WDR7: variants seen among roughly 807,000 people sequenced by gnomAD.
WDR7 encodes WD repeat domain 7, also known as WD repeat-containing protein 7.
In WDR7, 46 loss-of-function variants were observed where a neutral mutation model predicts 169.4. That is an observed-to-expected ratio of 0.27 (90% CI 0.21 to 0.35). The LOEUF (loss-of-function observed/expected upper bound fraction) is 0.35. Ranked by LOEUF, WDR7 falls within the 10% of genes least tolerant of loss-of-function variation. WDR7 has a pLI of 1.00. For synonymous variants in WDR7, 612 were observed against 666.8 expected (o/e 0.92, Z 1.27); for missense variants, 1,534 against 1,859.3 (o/e 0.83, Z 3.22).
chr18:56,821,729 T>A (rs2145239841), intron 20 of WDR7, among the ~76,000 whole-genome samples: 1 of 151,074 alleles, frequency 6.6e-6, no homozygotes, highest in African/African-American at 2.4e-5. Context: ...GAATAGTGGC[T>A]CACACCCATA....
chr18:56,945,171 A>G (rs1307190359), intron 25 of WDR7, among the ~76,000 whole-genome samples: 1 of 152,194 alleles, frequency 6.6e-6, no homozygotes, highest in African/African-American at 2.4e-5. Context: ...AGGCAAAGGA[A>G]GAATAGGAGT....
In WDR7 at chr18:56,881,382, A is replaced by G. The variant is rs11662409; in HGVS notation, c.3526+1217A>G. On this transcript the variant is annotated intron_variant, in intron 21 of 27. Transcript: ENST00000254442. ...CACTTCATCCTCATAATAACCCTGT[A>G]AAGTGGATCCCTCTTATCTCGATTT... Among the ~76,000 whole-genome samples the G allele has an allele frequency of 4.5e-3, 684 of 152,212 alleles. 2 individuals are homozygous for G. The highest frequency in any genetic ancestry group is 7.1e-3 in the Non-Finnish European group (482 of 68,008).
intron 3 of WDR7, among the ~76,000 whole-genome samples, chr18:56,680,144 C>G (rs2025324828): frequency 6.6e-6 from 1 of 152,040 alleles, no homozygotes; most frequent in East Asian, 1.9e-4. Context: ...ATCACGTGAG[C>G]ACAGGAGTTT....
chr18:56,952,604 T>C (rs1173764486), intron 25 of WDR7, among the ~76,000 whole-genome samples: 2 of 152,216 alleles, frequency 1.3e-5, no homozygotes, highest in Non-Finnish European at 2.9e-5. Flanking sequence ...TCACATGTTT[T>C]AAGAAAAACA....
At chr18:56,839,667 G>A (rs1420266815) in intron 20 of WDR7, among the ~76,000 whole-genome samples, 1 of 152,140 alleles carries the variant, frequency 6.6e-6, no homozygotes, top group African/African-American at 2.4e-5. Context: ...ACTTATTTTT[G>A]AAGTCGATAG....
chr18:56,795,950 A>G (rs1332641492), intron 19 of WDR7, among the ~76,000 whole-genome samples: 1 of 152,210 alleles, frequency 6.6e-6, no homozygotes, highest in African/African-American at 2.4e-5. Context: ...CTCCAACATA[A>G]TGTTAAATAG....
chr18:57,020,606 A>G, intron 26 of WDR7, 139 bp from the exon 27 acceptor site: 2 of 776,310 alleles, frequency 2.6e-6, no homozygotes, highest in Non-Finnish European at 2.1e-6. Context: ...TTATTTTTCT[A>G]AGCTGATTTT....
intron 11 of WDR7, 45 bp downstream of exon 11, chr18:56,695,243 T>G (rs1285259655): frequency 6.3e-7 from 1 of 1,577,922 alleles, no homozygotes; most frequent in Non-Finnish European, 8.6e-7. Context: ...TGACAACTCT[T>G]ACCCAGAGAG....
intron 1 of WDR7, among the ~76,000 whole-genome samples, chr18:56,671,566 C>T (rs944217307): frequency 4.6e-5 from 7 of 152,156 alleles, no homozygotes; most frequent in Non-Finnish European, 8.8e-5. Context: ...CCACTGCGCC[C>T]GGCCCTGAAC....
At chr18:56,926,706 A>C (rs2046813784) in intron 22 of WDR7, among the ~76,000 whole-genome samples, 1 of 152,248 alleles carries the variant, frequency 6.6e-6, no homozygotes, top group African/African-American at 2.4e-5. Flanking sequence ...CACAGCTCTG[A>C]ATAAATGAAT....
chr18:56,710,144 T>C (rs2026055063), intron 12 of WDR7, among the ~76,000 whole-genome samples: 1 of 151,522 alleles, frequency 6.6e-6, no homozygotes, highest in African/African-American at 2.4e-5. Context: ...GCTGGGACTA[T>C]AGGCGCCTGC....
At chr18:56,784,962 A>C (rs1255871839) in intron 19 of WDR7, among the ~76,000 whole-genome samples, 1 of 151,958 alleles carries the variant, frequency 6.6e-6, no homozygotes, top group Non-Finnish European at 1.5e-5. Flanking sequence ...CATGTAACTG[A>C]AACATGCACT....
chr18:56,770,147 C>T (rs2044130820), intron 16 of WDR7, among the ~76,000 whole-genome samples: 1 of 152,180 alleles, frequency 6.6e-6, no homozygotes, highest in African/African-American at 2.4e-5. Flanking sequence ...GCTGTAAGGG[C>T]TGACAAATCT....
At chr18:56,831,714 C>T (rs1449613889) in intron 20 of WDR7, among the ~76,000 whole-genome samples, 1 of 152,106 alleles carries the variant, frequency 6.6e-6, no homozygotes, top group Admixed American at 6.5e-5. Flanking sequence ...GGCGTCGTCT[C>T]ACCCAGGAAA....
chr18:56,773,444 A>G lies in WDR7; in HGVS notation c.2849-3338A>G, dbSNP rs146879524. On this transcript the variant is annotated intron_variant, in intron 16 of 27. Transcript: ENST00000254442. ...TATAGCTTTTTGTAATCTTTTTGGCATTAGGAAATATCGAATGGGAATTTT... is the reference window on the plus strand; with the variant it reads ...TATAGCTTTTTGTAATCTTTTTGGCGTTAGGAAATATCGAATGGGAATTTT... 5.8e-4 allele frequency among the ~76,000 whole-genome samples: 88 copies of G among 152,174 alleles called. No homozygotes were observed. In the East Asian group the frequency reaches 0.015, roughly 26 times the overall value.
At chr18:56,721,091 A>G (rs2026310672) in intron 13 of WDR7, among the ~76,000 whole-genome samples, 1 of 152,090 alleles carries the variant, frequency 6.6e-6, no homozygotes, top group Non-Finnish European at 1.5e-5. Flanking sequence ...AGATTCAGCC[A>G]GGGTTTGATG....
intron 27 of WDR7, among the ~76,000 whole-genome samples, chr18:57,022,377 G>A (rs2048305167): frequency 6.6e-6 from 1 of 152,180 alleles, no homozygotes; most frequent in South Asian, 2.1e-4. Flanking sequence ...TTTATTGGAT[G>A]TCTGAGTGGT....
At chr18:56,854,511 C>A (rs2045689163) in intron 20 of WDR7, among the ~76,000 whole-genome samples, 1 of 152,200 alleles carries the variant, frequency 6.6e-6, no homozygotes, top group Non-Finnish European at 1.5e-5. Context: ...TCCTCCTCGG[C>A]CTTTTATGGA....
chr18:56,745,424 T>G (rs1275113860), intron 14 of WDR7, among the ~76,000 whole-genome samples: 1 of 152,186 alleles, frequency 6.6e-6, no homozygotes, highest in Non-Finnish European at 1.5e-5. Context: ...AGGGACTGGT[T>G]TCGTGGAAGA....
Sources: gnomAD v4.1 joint callset for allele counts (sites outside exome capture counted in the v4.1 genomes callset) on GRCh38, gnomAD v4.1.1 for gene constraint, MANE v1.5 for transcripts, NCBI Gene and HGNC (gene_info 2026-07-23, HGNC 2026-07-21) for gene names.